CEBPZ: variants seen among roughly 807,000 people sequenced by gnomAD.
CEBPZ encodes the protein CCAAT/enhancer-binding protein zeta.
CEBPZ carries 78 observed loss-of-function variants against 104.5 expected under a neutral mutation model. The ratio of observed to expected loss-of-function variants is 0.75; its 90% CI spans 0.62 to 0.90. CEBPZ has a LOEUF of 0.90. Ranked by LOEUF, CEBPZ falls within the 40% of genes least tolerant of loss-of-function variation. The pLI, the probability that CEBPZ is intolerant of heterozygous loss-of-function variation, is 0.00. For synonymous variants in CEBPZ, 470 were observed against 427.0 expected (o/e 1.10, Z -1.24); for missense variants, 1,439 against 1,233.5 (o/e 1.17, Z -2.50).
At chr2:37,216,264 T>C in intron 7 of CEBPZ, 52 bp downstream of exon 7, 3 of 1,600,704 alleles carry the variant, frequency 1.9e-6, no homozygotes, top group Non-Finnish European at 2.6e-6. Flanking sequence ...GCTCATATTG[T>C]TTATTATGTA....
intron 3 of CEBPZ, among the ~76,000 whole-genome samples, chr2:37,222,764 A>T (rs1664802281): frequency 6.6e-6 from 1 of 152,236 alleles, no homozygotes; most frequent in African/African-American, 2.4e-5. Context: ...AACACAGTTA[A>T]GTTTTGAGCT....
At chr2:37,210,215 T>C (rs545571761) in intron 13 of CEBPZ, 25 of 152,314 alleles carry the variant, frequency 1.6e-4, no homozygotes, top group African/African-American at 5.8e-4. Flanking sequence ...GTAAACAGTA[T>C]GGAGAGTCCT....
At chr2:37,201,956 G>A (rs893744649) in intron 15 of CEBPZ, 53 bp from the exon 16 acceptor site, 3 of 1,541,210 alleles carry the variant, frequency 1.9e-6, no homozygotes, top group East Asian at 2.3e-5. Context: ...GACTCTTGGT[G>A]GTCCCACAGA....
In CEBPZ at chr2:37,225,068, AAACT is replaced by A. The variant is rs565969812; in HGVS notation, c.1650-1671_1650-1668del. ...CAAACAAACAAACAAACAAACAAAC[AAACT>A]AACAAAAACAAAACTCAAGATCCCG... On this transcript the variant is annotated intron_variant, in intron 2 of 15. Transcript: ENST00000234170. 9.3e-4 allele frequency among the ~76,000 whole-genome samples: 137 copies of A among 146,704 alleles called. 1 individual carries two copies. In the South Asian group the frequency reaches 9.4e-3, roughly 10 times the overall value.
chr2:37,215,182 T>C, intron 8 of CEBPZ: 1 of 365,982 alleles, frequency 2.7e-6, no homozygotes, highest in East Asian at 4.4e-5. Flanking sequence ...AGGCAGTACA[T>C]AGCTGTCAGT....
intron 13 of CEBPZ, among the ~76,000 whole-genome samples, chr2:37,206,517 C>T (rs1254041297): frequency 2.0e-5 from 3 of 152,126 alleles, no homozygotes; most frequent in Non-Finnish European, 1.5e-5. Flanking sequence ...ACCAACATGC[C>T]CAGCTAATTT....
At chr2:37,205,508 T>C (rs755565910) in intron 13 of CEBPZ, among the ~76,000 whole-genome samples, 3 of 152,148 alleles carry the variant, frequency 2.0e-5, no homozygotes, top group Non-Finnish European at 2.9e-5. Context: ...TCCTATAAAA[T>C]GGCCCCACCC....
At chr2:37,213,112 C>CT (rs1677780072) in intron 10 of CEBPZ, among the ~76,000 whole-genome samples, 3 of 152,082 alleles carry the variant, frequency 2.0e-5, no homozygotes, top group Admixed American at 1.3e-4. Context: ...CAGTGTAAGT[C>CT]TTTCCAATTT....
chr2:37,205,389 C>T (rs1009964894), intron 13 of CEBPZ, among the ~76,000 whole-genome samples: 1 of 152,186 alleles, frequency 6.6e-6, no homozygotes, highest in African/African-American at 2.4e-5. Context: ...ATTCCTTCTC[C>T]TGGCTCATCC....
chr2:37,202,686 AAAAAAAG>A, intron 15 of CEBPZ, 91 bp downstream of exon 15: 1 of 210,412 alleles, frequency 4.8e-6, no homozygotes. Flanking sequence ...AAAAAAAAAA[AAAAAAAG>A]AATAAATAAA....
intron 1 of CEBPZ, 184 bp downstream of exon 1, chr2:37,231,227 AC>A (rs1407451974): frequency 1.3e-6 from 1 of 782,148 alleles, no homozygotes; most frequent in South Asian, 1.5e-5. Context: ...TCAATTCGAA[AC>A]TTTTCTTTTG....
intron 2 of CEBPZ, among the ~76,000 whole-genome samples, chr2:37,224,856 T>C (rs1222579176): frequency 6.6e-6 from 1 of 152,200 alleles, no homozygotes; most frequent in Non-Finnish European, 1.5e-5. Context: ...AGAAACTCCA[T>C]CTGTGAGCGC....
intron 13 of CEBPZ, chr2:37,203,631 T>G (rs1677393847): frequency 6.6e-6 from 1 of 152,200 alleles, no homozygotes; most frequent in African/African-American, 2.4e-5. Flanking sequence ...TATTAACGCA[T>G]TTTGGTAAAT....
At chr2:37,209,955 A>G (rs1677666534) in intron 13 of CEBPZ, 1 of 152,220 alleles carries the variant, frequency 6.6e-6, no homozygotes. Flanking sequence ...ATCCCATCAA[A>G]AAGTGTGTTA....
In CEBPZ at chr2:37,223,182, T is replaced by G; in HGVS notation, c.1869A>C (p.Leu623=). The G allele has an allele frequency of 6.2e-7, 1 of 1,612,534 alleles. No homozygotes were observed. The highest frequency in any genetic ancestry group is 8.5e-7 in the Non-Finnish European group (1 of 1,178,818). ...TTGTAAAATATACCGGATGATCATC[T>G]AGTTGGCTTCTTAAACCTGGTTTTG... ...LKAKPGLRSQ[L]DDHPESDDEE... is the part of the protein sequence containing the mutation. Residue 623 remains leucine (L), a synonymous_variant, in exon 3 of 16, where the codon CTA becomes CTC. Transcript: ENST00000234170.
chr2:37,213,835 T>G (rs756070861), intron 10 of CEBPZ, 29 bp downstream of exon 10: 11 of 1,468,774 alleles, frequency 7.5e-6, no homozygotes, highest in Non-Finnish European at 9.5e-7. Context: ...TAGTAGATTA[T>G]TTTACAAAGA....
rs143784808 is a variant in CEBPZ at position 37,205,179 on chromosome 2, C to T, written c.2885-2171G>A. Among the ~76,000 whole-genome samples the T allele has an allele frequency of 4.7e-4, 71 of 152,266 alleles. No homozygotes were observed. The South Asian group carries it at 0.014, about 30-fold the overall frequency. On this transcript the variant is annotated intron_variant, in intron 13 of 15. Transcript: ENST00000234170. ...GAAAGAGCTGATAAAATTTTGTAGGCGTGAGGCTCTGAAAGACTACTACCA... is the reference window on the plus strand; with the variant it reads ...GAAAGAGCTGATAAAATTTTGTAGGTGTGAGGCTCTGAAAGACTACTACCA...
intron 3 of CEBPZ, 73 bp downstream of exon 3, chr2:37,223,097 A>C: frequency 8.0e-7 from 1 of 1,254,704 alleles, no homozygotes; most frequent in Non-Finnish European, 1.1e-6. Flanking sequence ...TGTCATTTGA[A>C]GCAAAGAAAA....
chr2:37,206,289 T>C (rs536953111), intron 13 of CEBPZ, among the ~76,000 whole-genome samples: 13 of 152,332 alleles, frequency 8.5e-5, no homozygotes, highest in African/African-American at 1.9e-4. Context: ...AGGAGAGATA[T>C]CTATGCTGAG....
Sources: gnomAD v4.1 joint callset for allele counts (sites outside exome capture counted in the v4.1 genomes callset) on GRCh38, gnomAD v4.1.1 for gene constraint, MANE v1.5 for transcripts, NCBI Gene and HGNC (gene_info 2026-07-23, HGNC 2026-07-21) for gene names.